Variants in NRXN1 observed in about 807,000 individuals in gnomAD.
The protein encoded by NRXN1 is neurexin-1.
In NRXN1, 39 loss-of-function variants were observed where a neutral mutation model predicts 150.9. That is an observed-to-expected ratio of 0.26 (90% confidence interval 0.20 to 0.34). The LOEUF is 0.34. NRXN1 is among the 10% of genes least tolerant of loss of function. The probability of loss-of-function intolerance (pLI) is 1.00; values close to 1 mark genes in which losing one functional copy is unlikely to be tolerated. For synonymous variants in NRXN1, 924 were observed against 757.0 expected (o/e 1.22, Z -3.62); for missense variants, 1,815 against 1,949.9 (o/e 0.93, Z 1.30).
chr2:50,864,491 A>G (rs1363234276), intron 5 of NRXN1, among the ~76,000 whole-genome samples: 1 of 152,064 alleles, frequency 6.6e-6, no homozygotes, highest in South Asian at 2.1e-4. Flanking sequence ...TAAAGTAGTA[A>G]TAATAACAAC....
chr2:50,934,266 T>C (rs1688196338), intron 2 of NRXN1, among the ~76,000 whole-genome samples: 1 of 152,196 alleles, frequency 6.6e-6, no homozygotes, highest in East Asian at 1.9e-4. Context: ...AAGAAAAACA[T>C]TTATAATAAA....
At chr2:49,978,945 G>A (rs1165035767) in intron 21 of NRXN1, among the ~76,000 whole-genome samples, 1 of 152,142 alleles carries the variant, frequency 6.6e-6, no homozygotes, top group African/African-American at 2.4e-5. Context: ...CAGTGAACCT[G>A]ATATTGACAA....
At chr2:50,671,760 T>A (rs1688885820) in intron 5 of NRXN1, among the ~76,000 whole-genome samples, 1 of 151,848 alleles carries the variant, frequency 6.6e-6, no homozygotes, top group Non-Finnish European at 1.5e-5. Flanking sequence ...CATCAATATA[T>A]ATTTTGCTAT....
intron 21 of NRXN1, among the ~76,000 whole-genome samples, chr2:49,967,517 A>G (rs560304767): frequency 6.6e-6 from 1 of 152,234 alleles, no homozygotes; most frequent in South Asian, 2.1e-4. Context: ...AACATGCATT[A>G]TCCTTGTTTG....
intron 9 of NRXN1, among the ~76,000 whole-genome samples, chr2:50,546,272 T>C (rs2093492077): frequency 6.6e-6 from 1 of 152,168 alleles, no homozygotes; most frequent in Admixed American, 6.5e-5. Flanking sequence ...CCTGCCTCCA[T>C]CTTTACAGTG....
chr2:50,605,870 A>G (rs1369180219), intron 8 of NRXN1, among the ~76,000 whole-genome samples: 6 of 152,214 alleles, frequency 3.9e-5, no homozygotes, highest in Non-Finnish European at 8.8e-5. Flanking sequence ...AGTCTTCACA[A>G]TAGCCAGGAT....
intron 17 of NRXN1, among the ~76,000 whole-genome samples, chr2:50,455,346 A>G (rs1417955275): frequency 2.0e-5 from 3 of 152,188 alleles, no homozygotes; most frequent in Non-Finnish European, 2.9e-5. Flanking sequence ...GGACTCAGAT[A>G]CCGTAGGCAC....
At chr2:50,766,721 G>C (rs1211110940) in intron 5 of NRXN1, among the ~76,000 whole-genome samples, 2 of 151,930 alleles carry the variant, frequency 1.3e-5, no homozygotes, top group Non-Finnish European at 2.9e-5. Flanking sequence ...CCCACCAGTA[G>C]ATAAACTCCA....
At chr2:49,964,377 C>T (rs983874804) in intron 21 of NRXN1, among the ~76,000 whole-genome samples, 9 of 151,500 alleles carry the variant, frequency 5.9e-5, no homozygotes, top group Non-Finnish European at 1.0e-4. Flanking sequence ...GTCAGGAGTT[C>T]GAGACCAGAC....
chr2:50,031,123 A>T (rs1238427144), intron 21 of NRXN1, among the ~76,000 whole-genome samples: 1 of 152,048 alleles, frequency 6.6e-6, no homozygotes. Flanking sequence ...CACTAATCAA[A>T]TGTGAAGTTA....
chr2:50,364,936 C>T (rs1332209890), intron 17 of NRXN1, among the ~76,000 whole-genome samples: 4 of 151,902 alleles, frequency 2.6e-5, no homozygotes, highest in Non-Finnish European at 4.4e-5. Context: ...CACATACCCT[C>T]TCAGCCAATC....
intron 18 of NRXN1, among the ~76,000 whole-genome samples, chr2:50,121,065 C>A (rs552535384): frequency 1.2e-4 from 19 of 152,350 alleles, no homozygotes; most frequent in African/African-American, 4.3e-4. Flanking sequence ...TACTCTGTCA[C>A]TGAGGCTGGA....
chr2:50,096,725 T>C (rs1055044378), intron 18 of NRXN1, among the ~76,000 whole-genome samples: 2 of 152,230 alleles, frequency 1.3e-5, no homozygotes, highest in African/African-American at 4.8e-5. Context: ...ACAATGGTAA[T>C]TATTGATTTT....
At chr2:50,847,463 T>C (rs1036670739) in intron 5 of NRXN1, among the ~76,000 whole-genome samples, 7 of 151,858 alleles carry the variant, frequency 4.6e-5, no homozygotes, top group African/African-American at 1.7e-4. Flanking sequence ...TCGCTTTAAA[T>C]GATACAGAAG....
At chr2:50,823,443 T>C (rs1670012641) in intron 5 of NRXN1, among the ~76,000 whole-genome samples, 1 of 152,114 alleles carries the variant, frequency 6.6e-6, no homozygotes, top group Non-Finnish European at 1.5e-5. Context: ...TTACAAATAA[T>C]GTCAAATAAT....
intron 5 of NRXN1, among the ~76,000 whole-genome samples, chr2:50,680,246 G>T (rs1690180873): frequency 6.6e-6 from 1 of 151,978 alleles, no homozygotes; most frequent in African/African-American, 2.4e-5. Context: ...TCTGATGCCT[G>T]TATGAATTAA....
chr2:50,501,525 TC>T (rs2091947056), intron 13 of NRXN1, among the ~76,000 whole-genome samples: 1 of 151,926 alleles, frequency 6.6e-6, no homozygotes, highest in South Asian at 2.1e-4. Context: ...AGATATAATT[TC>T]CAGGATTTAC....
At chr2:50,714,321 A>G (rs1368259625) in intron 5 of NRXN1, among the ~76,000 whole-genome samples, 1 of 152,122 alleles carries the variant, frequency 6.6e-6, no homozygotes, top group Non-Finnish European at 1.5e-5. Flanking sequence ...GAAAGCCATA[A>G]TTCAGACCTC....
chr2:50,556,925 C>G (rs1285044337), intron 8 of NRXN1, among the ~76,000 whole-genome samples: 3 of 151,872 alleles, frequency 2.0e-5, no homozygotes, highest in Non-Finnish European at 4.4e-5. Flanking sequence ...CTTTTTTTAC[C>G]CTTAATATGT....
Sources: allele counts gnomAD v4.1 joint callset (sites outside exome capture counted in the v4.1 genomes callset), GRCh38; gene constraint gnomAD v4.1.1; transcripts MANE v1.5; gene names NCBI Gene and HGNC (gene_info 2026-07-23, HGNC 2026-07-21).